Variants in TRIM33 observed in about 807,000 individuals in gnomAD.
TRIM33 encodes E3 ubiquitin-protein ligase TRIM33.
TRIM33 carries 20 observed loss-of-function variants against 125.4 expected under a neutral mutation model. The observed-to-expected ratio is 0.16, with a 90% CI of 0.11 to 0.23. The LOEUF (loss-of-function observed/expected upper bound fraction) is 0.23. Ranked by LOEUF, TRIM33 falls within the 10% of genes least tolerant of loss-of-function variation. The probability of loss-of-function intolerance (pLI) is 1.00; values close to 1 mark genes in which losing one functional copy is unlikely to be tolerated. For missense variants in TRIM33, 920 were observed against 1,411.4 expected, an observed-to-expected ratio of 0.65 and a Z score of 5.58; for synonymous variants, 564 against 513.9, an observed-to-expected ratio of 1.10 and a Z score of -1.32.
intron 1 of TRIM33, among the ~76,000 whole-genome samples, chr1:114,473,500 G>C (rs915467849): frequency 2.0e-5 from 3 of 152,082 alleles, no homozygotes; most frequent in Non-Finnish European, 4.4e-5. Flanking sequence ...GAGTGGTTTG[G>C]CAGGAAAAAT....
intron 8 of TRIM33, among the ~76,000 whole-genome samples, chr1:114,426,319 A>G (rs570674331): frequency 2.0e-5 from 3 of 152,102 alleles, no homozygotes; most frequent in African/African-American, 7.2e-5. Context: ...TATAGAGTAA[A>G]TATTTCATGC....
In TRIM33 at chr1:114,511,200, A is replaced by AACCAACGAGAGCGC. The variant is rs1653358262; in HGVS notation, c.-125_-124insGCGCTCTCGTTGGT. 3 of 934,212 alleles carry AACCAACGAGAGCGC rather than the reference A, an allele frequency of 3.2e-6. No individual in the cohort carries two copies. Among genetic ancestry groups the AACCAACGAGAGCGC allele is most frequent in the Non-Finnish European group, 3.9e-6 (3 of 771,480 alleles). The allele number at this position is 934,212 out of a possible 1,614,324, so 57.9% of individuals were successfully genotyped here. ...GCAGCCGAGAGCTAGCGAGAGAGCG[A>AACCAACGAGAGCGC]ACCAACGAGAGCGCGCGCGCACGCG... is the stretch of plus-strand genomic sequence containing the variant. On this transcript the variant is annotated 5_prime_UTR_variant, in exon 1 of 20. Transcript: ENST00000358465.
At chr1:114,501,341 G>A (rs1002373743) in intron 1 of TRIM33, among the ~76,000 whole-genome samples, 7 of 149,790 alleles carry the variant, frequency 4.7e-5, no homozygotes, top group Admixed American at 1.3e-4. Context: ...CCTCAAAAGC[G>A]GCTCTTTCAC....
At chr1:114,435,877 CTTTTTT>C (rs34327766) in intron 4 of TRIM33, among the ~76,000 whole-genome samples, 132 of 73,334 alleles carry the variant, frequency 1.8e-3, no homozygotes, top group Non-Finnish European at 2.8e-3. Flanking sequence ...TAGACACCCG[CTTTTTT>C]TTTTTTTTTT....
rs1652395822 is a variant in TRIM33, at chr1:114,496,830, T to A, written c.526+13721A>T. On this transcript the variant is annotated intron_variant, in intron 1 of 19. Coordinates refer to ENST00000358465, the MANE Select transcript of TRIM33 (RefSeq NM_015906.4). ...TTATTTTTAAGAAATTCTGCTGTGA[T>A]CAGATATTCCATTTTAAACTTTCTT... is the stretch of plus-strand genomic sequence containing the variant. Among the ~76,000 whole-genome samples, 3 of 152,256 alleles carry A rather than the reference T, an allele frequency of 2.0e-5. No individual in the cohort carries two copies. The South Asian group carries it at 6.2e-4, about 31-fold the overall frequency.
intron 6 of TRIM33, among the ~76,000 whole-genome samples, chr1:114,428,222 T>C (rs1647715154): frequency 1.3e-5 from 2 of 152,212 alleles, no homozygotes; most frequent in Non-Finnish European, 2.9e-5. Flanking sequence ...GAGCTAACTT[T>C]AGAAATAAAT....
intron 1 of TRIM33, 138 bp from the exon 2 acceptor site, chr1:114,464,526 G>A (rs902591149): frequency 1.5e-5 from 7 of 481,974 alleles, no homozygotes; most frequent in African/African-American, 4.1e-5. Context: ...ATAACCCAGC[G>A]AGTTATTCCA....
At chr1:114,448,917 A>G (rs1297428428) in intron 4 of TRIM33, among the ~76,000 whole-genome samples, 1 of 152,156 alleles carries the variant, frequency 6.6e-6, no homozygotes, top group Non-Finnish European at 1.5e-5. Context: ...AAATGACAAG[A>G]ACACTGGAAA....
intron 11 of TRIM33, chr1:114,420,586 T>C (rs768523731): frequency 2.3e-6 from 1 of 438,214 alleles, no homozygotes; most frequent in Non-Finnish European, 4.5e-6. Flanking sequence ...CTTTAAAATA[T>C]TGAGGAATGC....
intron 4 of TRIM33, among the ~76,000 whole-genome samples, chr1:114,462,807 AAAAAGCTTAT>A (rs1393940290): frequency 6.6e-6 from 1 of 152,176 alleles, no homozygotes; most frequent in African/African-American, 2.4e-5. Context: ...GGACACCAAG[AAAAAGCTTAT>A]TTGAATCACA....
chr1:114,407,119 T>C lies in TRIM33; in HGVS notation c.2259-19A>G, dbSNP rs183570430. 17 of 1,602,696 alleles carry C rather than the reference T, an allele frequency of 1.1e-5. No homozygotes were observed. In the African/African-American group the frequency reaches 1.5e-4, roughly 14 times the overall value. On this transcript the variant is annotated intron_variant, in intron 13 of 19. Transcript: ENST00000358465. ...CCCACAGCTAATAAGAAACAACAAATAAAGATCACATACGTTTGACTATAT... is the reference window on the plus strand; with the variant it reads ...CCCACAGCTAATAAGAAACAACAAACAAAGATCACATACGTTTGACTATAT...
intron 1 of TRIM33, among the ~76,000 whole-genome samples, chr1:114,495,358 TACC>T (rs1557901536): frequency 2.0e-5 from 3 of 152,312 alleles, no homozygotes; most frequent in South Asian, 4.1e-4. Flanking sequence ...GGTATAATTT[TACC>T]ACATTACCTC....
intron 15 of TRIM33, among the ~76,000 whole-genome samples, chr1:114,404,107 T>G (rs1652082904): frequency 6.6e-6 from 1 of 152,196 alleles, no homozygotes; most frequent in African/African-American, 2.4e-5. Flanking sequence ...ACATAGATCC[T>G]AAATCTAGGG....
chr1:114,470,436 T>C (rs1241301821), intron 1 of TRIM33, among the ~76,000 whole-genome samples: 2 of 152,168 alleles, frequency 1.3e-5, no homozygotes, highest in Non-Finnish European at 2.9e-5. Context: ...CCCCACAAAC[T>C]GCGCCCAATG....
intron 4 of TRIM33, among the ~76,000 whole-genome samples, chr1:114,435,502 A>G (rs1347610541): frequency 1.3e-5 from 2 of 152,224 alleles, no homozygotes; most frequent in African/African-American, 2.4e-5. Context: ...TGTTTCTTCA[A>G]TGAAAGTCTC....
intron 1 of TRIM33, among the ~76,000 whole-genome samples, chr1:114,474,641 T>C (rs1241287656): frequency 2.7e-5 from 4 of 149,266 alleles, no homozygotes; most frequent in Middle Eastern, 7.0e-3. Context: ...CCCAGCACTT[T>C]GGGAGGCCAA....
At chr1:114,494,123 A>T (rs1557900832) in intron 1 of TRIM33, among the ~76,000 whole-genome samples, 1 of 144,764 alleles carries the variant, frequency 6.9e-6, no homozygotes, top group East Asian at 2.0e-4. Flanking sequence ...GCACCCCGCC[A>T]TTTTTTTTTT....
chr1:114,503,015 T>G (rs1281003111), intron 1 of TRIM33, among the ~76,000 whole-genome samples: 1 of 152,234 alleles, frequency 6.6e-6, no homozygotes, highest in African/African-American at 2.4e-5. Flanking sequence ...TTCATACAGC[T>G]AAGTATCTAA....
chr1:114,444,029 C>T (rs1480237538), intron 4 of TRIM33, among the ~76,000 whole-genome samples: 1 of 152,142 alleles, frequency 6.6e-6, no homozygotes, highest in Non-Finnish European at 1.5e-5. Flanking sequence ...CACATGCAGA[C>T]AAAAATTTAC....
Sources: gnomAD v4.1 joint callset for allele counts (sites outside exome capture counted in the v4.1 genomes callset) on GRCh38, gnomAD v4.1.1 for gene constraint, MANE v1.5 for transcripts, NCBI Gene and HGNC (gene_info 2026-07-23, HGNC 2026-07-21) for gene names.